Variants in RBM26 observed in about 807,000 individuals in gnomAD.
RBM26 encodes the protein RNA-binding protein 26.
Under a neutral mutation model 123.6 loss-of-function variants are expected in RBM26, and 30 were observed. The ratio of observed to expected loss-of-function variants is 0.24; its 90% CI spans 0.18 to 0.33. RBM26 has a LOEUF of 0.33. Ranked by LOEUF, RBM26 falls within the 10% of genes least tolerant of loss-of-function variation. The pLI is 1.00. For synonymous variants in RBM26, 400 were observed against 404.4 expected (o/e 0.99, Z 0.13); for missense variants, 947 against 1,203.6 (o/e 0.79, Z 3.15).
At chr13:79,330,383 G>A (rs2069106335) in intron 20 of RBM26, among the ~76,000 whole-genome samples, 1 of 152,114 alleles carries the variant, frequency 6.6e-6, no homozygotes, top group Non-Finnish European at 1.5e-5. Flanking sequence ...GAAAAATGTT[G>A]GGTGAAACAA....
intron 6 of RBM26, among the ~76,000 whole-genome samples, chr13:79,368,079 G>A (rs560506500): frequency 6.7e-6 from 1 of 149,332 alleles, no homozygotes; most frequent in South Asian, 2.1e-4. Context: ...GGGCTAGAGT[G>A]CAGTGGTGCG....
At chr13:79,348,359 ACCT>A (rs1398506547) in intron 14 of RBM26, among the ~76,000 whole-genome samples, 3 of 152,110 alleles carry the variant, frequency 2.0e-5, no homozygotes, top group South Asian at 2.1e-4. Context: ...ATCCATTAAC[ACCT>A]CCTTATTTTA....
intron 1 of RBM26, among the ~76,000 whole-genome samples, chr13:79,404,507 A>T (rs1289422462): frequency 6.6e-6 from 1 of 152,214 alleles, no homozygotes; most frequent in African/African-American, 2.4e-5. Flanking sequence ...ACGTCTTCCC[A>T]TACATGATGT....
rs1397571099 is a variant in RBM26 at position 79,365,839 on chromosome 13, ATCAAAAAGAAAATAACTTTAT to A, written c.1277-142_1277-122del. ...TTAACATATAACATGCTCTATATGT[ATCAAAAAGAAAATAACTTTAT>A]TTAAAAAAGTTATTAAAAAGAAAAT... On this transcript the variant is annotated intron_variant, in intron 8 of 21. Coordinates refer to ENST00000438737, the MANE Select transcript of RBM26 (RefSeq NM_001366735.2). 4.2e-6 allele frequency: 4 copies of A among 961,274 alleles called. No homozygotes were observed. In the Admixed American group the frequency reaches 8.8e-5, roughly 21 times the overall value. The allele number at this position is 961,274 out of a possible 1,614,324, so 59.5% of individuals were successfully genotyped here. A position where few individuals can be genotyped will look rare whatever the true frequency, so the allele number is the denominator to read the frequency against.
At chr13:79,361,044 T>C (rs1246618086) in intron 9 of RBM26, among the ~76,000 whole-genome samples, 1 of 152,182 alleles carries the variant, frequency 6.6e-6, no homozygotes, top group Non-Finnish European at 1.5e-5. Context: ...GGAGAGCATA[T>C]ACTCAATTCT....
At chr13:79,314,289 AATT>A (rs1046889866), downstream of RBM26, 8 of 151,780 alleles carry the variant, frequency 5.3e-5, no homozygotes, top group African/African-American at 1.7e-4. Flanking sequence ...AATGTGAAAA[AATT>A]ATGTTAAGAC....
intron 1 of RBM26, among the ~76,000 whole-genome samples, chr13:79,382,997 G>GCTT (rs2077180102): frequency 9.5e-4 from 1 of 1,058 alleles, no homozygotes; most frequent in Admixed American, 9.6e-3. Flanking sequence ...AAGGAAAAAG[G>GCTT]ATTACATTTG....
In RBM26 at chr13:79,406,224, G is replaced by A. The variant is rs990797237; in HGVS notation, c.-450C>T. On this transcript the variant is annotated 5_prime_UTR_variant, in exon 1 of 22. Transcript: ENST00000438737. Reference sequence around the variant, plus strand: ...TCTTCCCGGCTCCCAGCACCCCCAAGAAGATGGCTGCCGGTAAATCTCGCG... The same window carrying A: ...TCTTCCCGGCTCCCAGCACCCCCAAAAAGATGGCTGCCGGTAAATCTCGCG... 5 of 153,386 alleles carry A rather than the reference G, an allele frequency of 3.3e-5. No individual in the cohort carries two copies. Among genetic ancestry groups the A allele is most frequent in the Non-Finnish European group, 5.8e-5 (4 of 68,902 alleles). The allele number at this position is 153,386 out of a possible 1,614,324, so 9.5% of individuals were successfully genotyped here.
chr13:79,378,701 A>G, intron 2 of RBM26, 88 bp downstream of exon 2: 1 of 730,298 alleles, frequency 1.4e-6, no homozygotes. Flanking sequence ...CAGCCTCCCA[A>G]AGTGCTAGGA....
At chr13:79,373,424 A>AACAT (rs1555331238) in intron 3 of RBM26, among the ~76,000 whole-genome samples, 4 of 13,818 alleles carry the variant, frequency 2.9e-4, no homozygotes, top group Non-Finnish European at 3.8e-4. Flanking sequence ...ATATAAATAA[A>AACAT]ATATAAATAT....
intron 1 of RBM26, among the ~76,000 whole-genome samples, chr13:79,379,223 G>C (rs1345844006): frequency 6.6e-6 from 1 of 151,848 alleles, no homozygotes; most frequent in Non-Finnish European, 1.5e-5. Context: ...CAACTAAGAA[G>C]AGATAAATTA....
chr13:79,359,554 C>G (rs2074419141), intron 10 of RBM26, 21 bp downstream of exon 10: 2 of 1,139,532 alleles, frequency 1.8e-6, no homozygotes, highest in African/African-American at 1.6e-5. Context: ...TTATACTCCT[C>G]AATTTTCCTG....
intron 1 of RBM26, among the ~76,000 whole-genome samples, chr13:79,386,786 C>T (rs2077531291): frequency 6.6e-6 from 1 of 151,644 alleles, no homozygotes; most frequent in Admixed American, 6.6e-5. Flanking sequence ...CTCAGGTAAC[C>T]CATCCCTCTG....
At chr13:79,389,537 CTA>C (rs2077761540) in intron 1 of RBM26, 1 of 152,144 alleles carries the variant, frequency 6.6e-6, no homozygotes, top group Non-Finnish European at 1.5e-5. Flanking sequence ...GTTACATAAA[CTA>C]TAGTCTCTCA....
chr13:79,318,922 G>C lies in RBM26; in HGVS notation c.*1699C>G. On this transcript the variant is annotated 3_prime_UTR_variant, in exon 22 of 22. Coordinates refer to ENST00000438737, the MANE Select transcript of RBM26 (RefSeq NM_001366735.2). ...CAAACTTACCTAATGAATCAGAATA[G>C]CACATAGTCAACATACAAGAGACTA... 1 of 977,988 alleles carries C rather than the reference G, an allele frequency of 1.0e-6. No homozygotes were observed. Among genetic ancestry groups the C allele is most frequent in the Non-Finnish European group, 1.2e-6 (1 of 823,406 alleles). 60.6% of individuals were successfully genotyped at this position (977,988 alleles called of 1,614,324 possible).
chr13:79,336,716 G>C (rs1469038419), intron 19 of RBM26, among the ~76,000 whole-genome samples: 2 of 152,296 alleles, frequency 1.3e-5, no homozygotes, highest in East Asian at 3.9e-4. Context: ...TACTGGGTCA[G>C]CTAGATCAAG....
At chr13:79,322,786 C>T (rs2067834997) in intron 20 of RBM26, among the ~76,000 whole-genome samples, 1 of 151,384 alleles carries the variant, frequency 6.6e-6, no homozygotes, top group Non-Finnish European at 1.5e-5. Context: ...ATGTTTATAA[C>T]ACAATGACAA....
intron 16 of RBM26, among the ~76,000 whole-genome samples, chr13:79,343,555 T>C (rs984183229): frequency 6.6e-6 from 1 of 151,922 alleles, no homozygotes; most frequent in Non-Finnish European, 1.5e-5. Context: ...CTAACCTTCA[T>C]TACTAGACAT....
intron 14 of RBM26, among the ~76,000 whole-genome samples, chr13:79,348,680 T>C (rs2072717561): frequency 6.6e-6 from 1 of 152,150 alleles, no homozygotes; most frequent in South Asian, 2.1e-4. Context: ...AGTTACTGTA[T>C]GGTCAGTTTT....
Sources: allele counts gnomAD v4.1 joint callset (sites outside exome capture counted in the v4.1 genomes callset), GRCh38; gene constraint gnomAD v4.1.1; transcripts MANE v1.5; gene names NCBI Gene and HGNC (gene_info 2026-07-23, HGNC 2026-07-21).